EBF1: variants seen among roughly 807,000 people sequenced by gnomAD.
EBF1 encodes the protein EBF transcription factor 1, also known as transcription factor COE1.
EBF1 carries 10 observed loss-of-function variants against 68.4 expected under a neutral mutation model. The ratio of observed to expected loss-of-function variants is 0.15; its 90% confidence interval spans 0.09 to 0.25. The LOEUF is 0.25. EBF1 is among the 10% of genes least tolerant of loss of function. The probability of loss-of-function intolerance (pLI) is 1.00; values close to 1 mark genes in which losing one functional copy is unlikely to be tolerated. For synonymous variants in EBF1, 298 were observed against 299.8 expected (o/e 0.99, Z 0.06); for missense variants, 509 against 794.4 (o/e 0.64, Z 4.32).
rs1304756683 is a variant in EBF1, at chr5:159,064,184, A to G, written c.554+9212T>C. Among the ~76,000 whole-genome samples the G allele has an allele frequency of 4.6e-5, 7 of 152,288 alleles. No individual in the cohort carries two copies. The South Asian group carries it at 8.3e-4, about 18-fold the overall frequency. Reference sequence around the variant, plus strand: ...TGTGTATATATATGTGTTTATATATATGTGTGTGTATATATACATATAAAA... The same window carrying G: ...TGTGTATATATATGTGTTTATATATGTGTGTGTGTATATATACATATAAAA... On this transcript the variant is annotated intron_variant, in intron 6 of 15. Transcript: ENST00000313708.
At chr5:158,725,174 A>T (rs78673781) in intron 11 of EBF1, among the ~76,000 whole-genome samples, 4 of 152,312 alleles carry the variant, frequency 2.6e-5, no homozygotes, top group Non-Finnish European at 5.9e-5. Flanking sequence ...GGAAGCCTTG[A>T]GTTCCTTCAC....
intron 10 of EBF1, among the ~76,000 whole-genome samples, chr5:158,740,913 T>C (rs543355816): frequency 6.6e-6 from 1 of 152,340 alleles, no homozygotes; most frequent in Non-Finnish European, 1.5e-5. Context: ...ACCCTGAGTA[T>C]CTCAGCAATC....
intron 6 of EBF1, among the ~76,000 whole-genome samples, chr5:158,894,051 T>A (rs1304822526): frequency 6.6e-6 from 1 of 152,196 alleles, no homozygotes; most frequent in African/African-American, 2.4e-5. Flanking sequence ...ATTTAAAATA[T>A]GTTTTAAGCA....
intron 6 of EBF1, among the ~76,000 whole-genome samples, chr5:158,923,444 T>C (rs1808882511): frequency 6.6e-6 from 1 of 152,190 alleles, no homozygotes; most frequent in African/African-American, 2.4e-5. Flanking sequence ...ACTTTCAAAA[T>C]ATTTTAAGAA....
chr5:158,834,480 T>G (rs1196270413), intron 7 of EBF1, among the ~76,000 whole-genome samples: 5 of 151,580 alleles, frequency 3.3e-5, no homozygotes, highest in Non-Finnish European at 7.4e-5. Flanking sequence ...AGCCTAGGGA[T>G]TTCAAAAGAA....
At chr5:158,896,451 G>A (rs1299512937) in intron 6 of EBF1, among the ~76,000 whole-genome samples, 2 of 152,140 alleles carry the variant, frequency 1.3e-5, no homozygotes, top group African/African-American at 4.8e-5. Flanking sequence ...CTGAAGACCT[G>A]TAATGTACTA....
chr5:158,931,936 A>G (rs1267213733), intron 6 of EBF1, among the ~76,000 whole-genome samples: 1 of 151,908 alleles, frequency 6.6e-6, no homozygotes, highest in Non-Finnish European at 1.5e-5. Flanking sequence ...TTCTCTTCAC[A>G]GTTTTTTTTG....
intron 6 of EBF1, among the ~76,000 whole-genome samples, chr5:158,851,129 C>T (rs1266028428): frequency 6.6e-6 from 1 of 151,568 alleles, no homozygotes; most frequent in Non-Finnish European, 1.5e-5. Flanking sequence ...GCCCATAATC[C>T]CAGCAATTTG....
intron 6 of EBF1, among the ~76,000 whole-genome samples, chr5:158,889,536 C>T (rs1431467311): frequency 6.6e-6 from 1 of 152,148 alleles, no homozygotes; most frequent in Non-Finnish European, 1.5e-5. Context: ...ATAAGTACAT[C>T]TAAGTTATTT....
chr5:158,721,913 T>C (rs1394350226), intron 11 of EBF1, among the ~76,000 whole-genome samples: 1 of 152,114 alleles, frequency 6.6e-6, no homozygotes, highest in Non-Finnish European at 1.5e-5. Flanking sequence ...CTTTTTTTTT[T>C]TTATTTGGTC....
At chr5:158,705,135 C>G (rs1757582540) in intron 15 of EBF1, among the ~76,000 whole-genome samples, 1 of 152,166 alleles carries the variant, frequency 6.6e-6, no homozygotes, top group Non-Finnish European at 1.5e-5. Context: ...GCTGCACCAC[C>G]AGGCCCGGCT....
At chr5:158,929,756 A>G (rs1810443117) in intron 6 of EBF1, among the ~76,000 whole-genome samples, 1 of 152,266 alleles carries the variant, frequency 6.6e-6, no homozygotes, top group Non-Finnish European at 1.5e-5. Context: ...AAAGATTATT[A>G]TAAGGCAAAT....
At chr5:158,973,858 C>T (rs1050843811) in intron 6 of EBF1, among the ~76,000 whole-genome samples, 11 of 152,120 alleles carry the variant, frequency 7.2e-5, no homozygotes, top group African/African-American at 2.7e-4. Flanking sequence ...GTTGTTATCA[C>T]CTGCATGCCA....
At chr5:159,076,064 C>T (rs926710227) in intron 5 of EBF1, among the ~76,000 whole-genome samples, 4 of 151,672 alleles carry the variant, frequency 2.6e-5, no homozygotes, top group Non-Finnish European at 5.9e-5. Flanking sequence ...GCACTTAACT[C>T]AATGCAAATT....
At chr5:158,877,429 T>C (rs1290810054) in intron 6 of EBF1, among the ~76,000 whole-genome samples, 1 of 152,104 alleles carries the variant, frequency 6.6e-6, no homozygotes, top group Admixed American at 6.6e-5. Context: ...ATTTCTCTCA[T>C]ACTTGTACCA....
At chr5:158,931,752 T>C (rs538126344) in intron 6 of EBF1, among the ~76,000 whole-genome samples, 2 of 152,214 alleles carry the variant, frequency 1.3e-5, no homozygotes, top group East Asian at 3.9e-4. Flanking sequence ...TAATGCCAGA[T>C]GAGAATATAT....
At chr5:159,087,267 T>TACAC (rs113914914) in intron 4 of EBF1, among the ~76,000 whole-genome samples, 2 of 135,814 alleles carry the variant, frequency 1.5e-5, no homozygotes, top group Non-Finnish European at 3.2e-5. Flanking sequence ...TATATATATA[T>TACAC]ACACACACAC....
intron 6 of EBF1, among the ~76,000 whole-genome samples, chr5:158,911,263 T>A (rs751936803): frequency 6.6e-6 from 1 of 152,198 alleles, no homozygotes. Flanking sequence ...TTCAGCGTAC[T>A]CTTTCAACAT....
At chr5:159,010,675 T>A (rs1035503805) in intron 6 of EBF1, among the ~76,000 whole-genome samples, 6 of 152,206 alleles carry the variant, frequency 3.9e-5, no homozygotes, top group African/African-American at 1.4e-4. Context: ...GATGGCACCA[T>A]CAGAATTGTC....
Sources: allele counts gnomAD v4.1 joint callset (sites outside exome capture counted in the v4.1 genomes callset), GRCh38; gene constraint gnomAD v4.1.1; transcripts MANE v1.5; gene names NCBI Gene and HGNC (gene_info 2026-07-23, HGNC 2026-07-21).